Variants in GREB1 observed in about 807,000 individuals in gnomAD.
GREB1 encodes the protein protein GREB1.
A neutral mutation model predicts 200.7 loss-of-function variants in GREB1; 106 were observed. The observed-to-expected ratio is 0.53, with a 90% confidence interval of 0.45 to 0.62. GREB1 has a LOEUF of 0.62. GREB1 is among the 20% of genes least tolerant of loss of function. The probability of loss-of-function intolerance (pLI) is 0.00; values close to 1 mark genes in which losing one functional copy is unlikely to be tolerated. For missense variants in GREB1, 2,243 were observed against 2,556.8 expected (o/e 0.88, Z 2.65); for synonymous variants, 1,132 against 1,092.4 (o/e 1.04, Z -0.72).
At chr2:11,624,426 C>T (rs2148388975) in intron 23 of GREB1, among the ~76,000 whole-genome samples, 1 of 149,020 alleles carries the variant, frequency 6.7e-6, no homozygotes, top group East Asian at 2.0e-4. Context: ...CTCACTGCAA[C>T]CTCCGCCTCC....
At chr2:11,531,224 G>T (rs966272773), upstream of GREB1, among the ~76,000 whole-genome samples, 1 of 152,116 alleles carries the variant, frequency 6.6e-6, no homozygotes, top group African/African-American at 2.4e-5. Flanking sequence ...GTTGCTTGAC[G>T]CATACAAGCA....
At chr2:11,586,323 G>A (rs904957407) in intron 9 of GREB1, among the ~76,000 whole-genome samples, 7 of 152,242 alleles carry the variant, frequency 4.6e-5, no homozygotes, top group African/African-American at 9.6e-5. Context: ...TATCACCCAC[G>A]CCACTAGTAT....
At chr2:11,571,734 G>C (rs763180020) in intron 4 of GREB1, among the ~76,000 whole-genome samples, 1 of 150,522 alleles carries the variant, frequency 6.6e-6, no homozygotes, top group Non-Finnish European at 1.5e-5. Flanking sequence ...TTTTTGAGAC[G>C]GAGTCTCGCT....
chr2:11,540,909 C>T (rs149759772), intron 1 of GREB1, among the ~76,000 whole-genome samples: 13 of 152,358 alleles, frequency 8.5e-5, no homozygotes, highest in Non-Finnish European at 8.8e-5. Flanking sequence ...AGGTTGAGGA[C>T]GCAGTCCGGA....
chr2:11,616,771 T>G, intron 21 of GREB1, 51 bp downstream of exon 21: 1 of 1,133,636 alleles, frequency 8.8e-7, no homozygotes, highest in East Asian at 2.3e-5. Flanking sequence ...ATTTTTGAGG[T>G]TTCAGAGAAT....
chr2:11,585,987 C>T, intron 9 of GREB1, 82 bp downstream of exon 9: 2 of 1,400,848 alleles, frequency 1.4e-6, no homozygotes, highest in Non-Finnish European at 2.0e-6. Context: ...GAGACCTCAT[C>T]CCGGTCTGAC....
At chr2:11,508,795 C>T (rs1273820904) in intron 1 of GREB1, among the ~76,000 whole-genome samples, 2 of 152,078 alleles carry the variant, frequency 1.3e-5, no homozygotes, top group African/African-American at 4.8e-5. Context: ...ATTGCCTACC[C>T]AAAACGTTCA....
At chr2:11,636,773 GGGGCAGGGGCAC>G (rs1385530599) in intron 30 of GREB1, among the ~76,000 whole-genome samples, 1 of 135,708 alleles carries the variant, frequency 7.4e-6, no homozygotes, top group Admixed American at 7.6e-5. Context: ...GGCAGGGGCA[GGGGCAGGGGCAC>G]GGGCATGGGC....
intron 1 of GREB1, among the ~76,000 whole-genome samples, chr2:11,550,582 T>G (rs1675717305): frequency 2.0e-5 from 3 of 152,194 alleles, no homozygotes; most frequent in Admixed American, 2.0e-4. Context: ...TCAGCCCTAC[T>G]TTTCACCTTG....
chr2:11,615,955 C>G (rs1683364771), intron 20 of GREB1, among the ~76,000 whole-genome samples: 4 of 152,198 alleles, frequency 2.6e-5, no homozygotes. Context: ...ACTGTGGGAC[C>G]TCTCTTAGCC....
At chr2:11,510,026 A>C (rs892736963) in intron 1 of GREB1, among the ~76,000 whole-genome samples, 1 of 152,282 alleles carries the variant, frequency 6.6e-6, no homozygotes. Context: ...TTTTATTGAT[A>C]TGTCTGTTGG....
In GREB1 at chr2:11,499,327, G is replaced by T. The variant is rs78155664; in HGVS notation, c.-159+16946G>T. On this transcript the variant is annotated intron_variant, in intron 1 of 2. Coordinates refer to the GREB1 transcript ENST00000628795. ...AACAGCAAGGGGTGGGCACACACAG[G>T]CCGGCTGCAGCCAGTGCTACGAGAA... is the stretch of plus-strand genomic sequence containing the variant. 2.6e-3 allele frequency among the ~76,000 whole-genome samples: 396 copies of T among 152,376 alleles called. 13 individuals are homozygous for T. The East Asian group carries it at 0.066, about 26-fold the overall frequency.
In GREB1 at chr2:11,612,512, G is replaced by T. The variant is rs751429996; in HGVS notation, c.3024G>T (p.Glu1008Asp). 52 of 1,610,676 alleles carry T rather than the reference G, an allele frequency of 3.2e-5. 2 individuals carry two copies. The South Asian group carries it at 5.6e-4, about 17-fold the overall frequency. Residue 1008 changes from glutamate (E) to aspartate (D), a missense_variant, in exon 19 of 33, where the codon GAG (glutamate) becomes GAT (aspartate). Around this residue, in one of 3 missense-constraint regions of GREB1, gnomAD observed 1,178 missense variants for 1,387.4 expected, o/e 0.85. Transcript: ENST00000381486. The stretch of plus-strand genomic sequence containing the variant: ...ATCTGCAGATGTGGCAGAAAATTGA[G>T]GATGTGGAGTGGAGACCCCAGACTT... The part of the protein sequence containing the change: ...VKQLRMWQKI[E>D]DVEWRPQTYL...
intron 1 of GREB1, among the ~76,000 whole-genome samples, chr2:11,543,122 C>G (rs1469359473): frequency 6.6e-6 from 1 of 152,046 alleles, no homozygotes; most frequent in African/African-American, 2.4e-5. Flanking sequence ...TGGAATAGTC[C>G]CTGCTGTCAA....
chr2:11,527,616 C>T (rs1673932871), intron 1 of GREB1, among the ~76,000 whole-genome samples: 1 of 152,182 alleles, frequency 6.6e-6, no homozygotes, highest in Non-Finnish European at 1.5e-5. Context: ...GAAGGCCAGC[C>T]TCTCCAAATA....
At chr2:11,514,203 G>A (rs1169341168) in intron 1 of GREB1, among the ~76,000 whole-genome samples, 1 of 152,222 alleles carries the variant, frequency 6.6e-6, no homozygotes, top group Non-Finnish European at 1.5e-5. Context: ...AGCCAAATGT[G>A]TGTGTGCCAG....
chr2:11,562,671 GCT>G, intron 3 of GREB1, 89 bp downstream of exon 3: 1 of 1,391,772 alleles, frequency 7.2e-7, no homozygotes, highest in Non-Finnish European at 9.7e-7. Context: ...GTGACTGTGT[GCT>G]GCAGGGGTCC....
At position 11,600,867 on chromosome 2, in the gene GREB1, T is replaced by A. The variant is rs1194184572; in HGVS notation, c.2401T>A (p.Cys801Ser). The change falls in exon 16 of 33, where the codon TGC becomes AGC. Residue 801 changes from cysteine to serine, a missense_variant. Physicochemically the swap from Cys to Ser is moderately radical, Grantham distance 112. Coordinates refer to ENST00000381486, the MANE Select transcript of GREB1 (RefSeq NM_014668.4). Reference protein sequence around the residue: ...SVGLVDRLLNCREVKEAPNIV... With the variant: ...SVGLVDRLLNSREVKEAPNIV... ...GGGATTGGTGGACCGATTGCTCAAC[T>A]GCAGGGAGGTGAAGGAGGCCCCCAA... 2 of 1,614,082 alleles carry A rather than the reference T, an allele frequency of 1.2e-6. No individual in the cohort carries two copies. Among genetic ancestry groups the A allele is most frequent in the East Asian group, 4.5e-5 (2 of 44,890 alleles).
At chr2:11,616,509 T>C in intron 20 of GREB1, 122 bp from the exon 21 acceptor site, 1 of 727,038 alleles carries the variant, frequency 1.4e-6, no homozygotes, top group Non-Finnish European at 2.5e-6. Context: ...AAGATGGCAG[T>C]GAATGAGTAA....
Sources: allele counts gnomAD v4.1 joint callset (sites outside exome capture counted in the v4.1 genomes callset), GRCh38; gene constraint gnomAD v4.1.1; regional missense constraint gnomAD v4.1.1; transcripts MANE v1.5; gene names NCBI Gene and HGNC (gene_info 2026-07-23, HGNC 2026-07-21).